The following CFAP20DC variants were observed in gnomAD, a reference collection of about 807,000 sequenced individuals.
CFAP20DC encodes protein CFAP20DC.
A neutral mutation model predicts 101.7 loss-of-function variants in CFAP20DC; 84 were observed. That is an observed-to-expected ratio of 0.83 (90% CI 0.69 to 0.99). CFAP20DC has a LOEUF of 0.99. Ranked by LOEUF, CFAP20DC falls within the 50% of genes least tolerant of loss-of-function variation. The pLI is 0.00. For missense variants in CFAP20DC, 1,007 were observed against 970.3 expected (o/e 1.04, Z -0.50); for synonymous variants, 359 against 351.2 (o/e 1.02, Z -0.25).
In CFAP20DC at chr3:58,862,657, G is replaced by A; in HGVS notation, c.1593+901C>T. On this transcript the variant is annotated intron_variant, in intron 12 of 16. Transcript: ENST00000482387. ...AATCTGTGCCTCACTGTCCAAAAAGGATTCTTAATCAGTTACGTTATAAAA... is the reference window on the plus strand; with the variant it reads ...AATCTGTGCCTCACTGTCCAAAAAGAATTCTTAATCAGTTACGTTATAAAA... 4.1e-6 allele frequency: 4 copies of A among 984,114 alleles called. 1 individual carries two copies. Among genetic ancestry groups the A allele is most frequent in the Middle Eastern group, 5.2e-4 (1 of 1,914 alleles). The allele number at this position is 984,114 out of a possible 1,614,324, so 61.0% of individuals were successfully genotyped here. A position where few individuals can be genotyped will look rare whatever the true frequency, so the allele number is the denominator to read the frequency against.
At position 58,980,289 on chromosome 3, in the gene CFAP20DC, G is replaced by A. The variant is rs575096754; in HGVS notation, c.279-42527C>T. 5.3e-5 allele frequency among the ~76,000 whole-genome samples: 8 copies of A among 152,228 alleles called. No homozygotes were observed. In the South Asian group the frequency reaches 1.0e-3, roughly 20 times the overall value. On this transcript the variant is annotated intron_variant, in intron 4 of 16. Transcript: ENST00000482387. Reference sequence around the variant, plus strand: ...ACTACCAGAGGTACAAGGAGGAGCTGGTACCATTCCTTCTGAAACTATTCC... The same window carrying A: ...ACTACCAGAGGTACAAGGAGGAGCTAGTACCATTCCTTCTGAAACTATTCC...
At chr3:58,730,495 T>C (rs374513890) in intron 3 of CFAP20DC, among the ~76,000 whole-genome samples, 1 of 151,376 alleles carries the variant, frequency 6.6e-6, no homozygotes, top group South Asian at 2.1e-4. Context: ...GGCCGGGGGG[T>C]GGAGGAGAAA....
Position 58,872,133 on chromosome 3 carries a change from A to G in CFAP20DC, c.716-1824T>C, listed in dbSNP as rs560025071. Among the ~76,000 whole-genome samples the G allele has an allele frequency of 1.7e-4, 26 of 152,300 alleles. No homozygotes were observed. In the South Asian group the frequency reaches 5.2e-3, roughly 30 times the overall value. Reference sequence around the variant, plus strand: ...TAGCCTTTAACTGAAAACACTGCCCATTACCTAGAAAGCCTTCTGCTGTGA... The same window carrying G: ...TAGCCTTTAACTGAAAACACTGCCCGTTACCTAGAAAGCCTTCTGCTGTGA... On this transcript the variant is annotated intron_variant, in intron 7 of 16. Transcript: ENST00000482387.
downstream of CFAP20DC, among the ~76,000 whole-genome samples, chr3:58,737,428 C>T (rs963737337): frequency 6.6e-6 from 1 of 152,066 alleles, no homozygotes; most frequent in Non-Finnish European, 1.5e-5. This position sits in a 1 kb window ranked among gnomAD's most constrained non-coding sequence, Gnocchi z 4.1. Flanking sequence ...AGTCAGGGCT[C>T]CCAGCTCTGG....
At chr3:58,871,647 GC>G (rs2080232445) in intron 7 of CFAP20DC, among the ~76,000 whole-genome samples, 1 of 151,534 alleles carries the variant, frequency 6.6e-6, no homozygotes, top group East Asian at 1.9e-4. Context: ...TCATGCCTCA[GC>G]CCCCTGAGTA....
intron 14 of CFAP20DC, among the ~76,000 whole-genome samples, chr3:58,809,409 C>T (rs1218685572): frequency 1.3e-5 from 2 of 152,022 alleles, no homozygotes; most frequent in Non-Finnish European, 2.9e-5. Flanking sequence ...CACTTAAAAC[C>T]GCTCAACTAC....
rs571132214 is a variant in CFAP20DC at position 58,877,632 on chromosome 3, G to T, written c.715+6913C>A. ...GCCAAGCACCCCAATGCCTCTTTGT[G>T]TGTGTGTGTGTTTTAAATTACATAT... On this transcript the variant is annotated intron_variant, in intron 7 of 16. Coordinates refer to ENST00000482387, the MANE Select transcript of CFAP20DC (RefSeq NM_001394063.1). Among the ~76,000 whole-genome samples the T allele has an allele frequency of 2.0e-5, 3 of 152,310 alleles. No homozygotes were observed. The South Asian group carries it at 6.2e-4, about 32-fold the overall frequency.
chr3:58,809,898 A>G (rs2074458923), intron 14 of CFAP20DC, among the ~76,000 whole-genome samples: 1 of 152,194 alleles, frequency 6.6e-6, no homozygotes, highest in Admixed American at 6.5e-5. Context: ...AGAAATACAA[A>G]CTACCATCAG....
chr3:58,894,783 G>A lies in CFAP20DC; in HGVS notation c.551-10074C>T. Among the ~76,000 whole-genome samples, 1 of 152,238 alleles carries A rather than the reference G, an allele frequency of 6.6e-6. No homozygotes were observed. The highest frequency in any genetic ancestry group is 1.5e-5 in the Non-Finnish European group (1 of 68,044). ...ACTGCCCTAGCTGAGGTTCTCATGAGGGCCCTGCCCCTGCAACAAACTTGT... is the reference window on the plus strand; with the variant it reads ...ACTGCCCTAGCTGAGGTTCTCATGAAGGCCCTGCCCCTGCAACAAACTTGT... On this transcript the variant is annotated intron_variant, in intron 6 of 16. Transcript: ENST00000482387. The surrounding 1 kb of genome is among the most constrained non-coding windows in gnomAD (Gnocchi z 4.1).
In CFAP20DC at chr3:58,868,384, G is replaced by A. The variant is rs764572060; in HGVS notation, c.1016-448C>T. ...AAGCTGAAGAAGAACTTCTAAGTACGATTTAATTTAGCAATAATAATAATC... is the reference window on the plus strand; with the variant it reads ...AAGCTGAAGAAGAACTTCTAAGTACAATTTAATTTAGCAATAATAATAATC... On this transcript the variant is annotated intron_variant, in intron 9 of 16. Coordinates refer to ENST00000482387, the MANE Select transcript of CFAP20DC (RefSeq NM_001394063.1). The surrounding 1 kb of genome is among the most constrained non-coding windows in gnomAD (Gnocchi z 4.6). Among the ~76,000 whole-genome samples the A allele has an allele frequency of 3.9e-5, 6 of 152,100 alleles. No individual in the cohort carries two copies. The highest frequency in any genetic ancestry group is 5.9e-5 in the Non-Finnish European group (4 of 67,974).
chr3:58,969,160 T>A, intron 4 of CFAP20DC, among the ~76,000 whole-genome samples: 1 of 152,198 alleles, frequency 6.6e-6, no homozygotes, highest in Non-Finnish European at 1.5e-5. Context: ...GCTTTGTTCT[T>A]CTTGCTTAGT....
chr3:58,969,300 C>T (rs2091798276), intron 4 of CFAP20DC, among the ~76,000 whole-genome samples: 1 of 152,124 alleles, frequency 6.6e-6, no homozygotes, highest in Non-Finnish European at 1.5e-5. Flanking sequence ...CCATTTCGCA[C>T]CCACTGGGAT....
intron 7 of CFAP20DC, among the ~76,000 whole-genome samples, chr3:58,883,294 ATC>A (rs2081360250): frequency 6.6e-6 from 1 of 152,172 alleles, no homozygotes. Context: ...CTGCAGAGAC[ATC>A]TTAGTTGTGC....
chr3:58,806,638 G>A (rs373475446), intron 14 of CFAP20DC, among the ~76,000 whole-genome samples, 182 bp from the exon 15 acceptor site: 2 of 152,170 alleles, frequency 1.3e-5, no homozygotes, highest in East Asian at 3.9e-4. Context: ...CAGCGTGAGC[G>A]ATGCAGAAGA....
At chr3:58,813,900 G>C (rs1575726884) in intron 14 of CFAP20DC, among the ~76,000 whole-genome samples, 1 of 151,914 alleles carries the variant, frequency 6.6e-6, no homozygotes, top group Admixed American at 6.6e-5. Flanking sequence ...TCTCACTAGA[G>C]AAATAAGACT....
At chr3:58,785,713 A>G (rs141102055) in intron 15 of CFAP20DC, among the ~76,000 whole-genome samples, 8 of 152,246 alleles carry the variant, frequency 5.3e-5, no homozygotes, top group Admixed American at 2.6e-4. Context: ...ATATGGAAGG[A>G]AACCAAAATA....
chr3:58,845,202 C>G (rs1488831147), intron 13 of CFAP20DC, among the ~76,000 whole-genome samples: 1 of 150,112 alleles, frequency 6.7e-6, no homozygotes, highest in Admixed American at 6.6e-5. Flanking sequence ...AAAAACCCTT[C>G]AAAAAATTAA....
intron 4 of CFAP20DC, among the ~76,000 whole-genome samples, chr3:58,988,374 C>A (rs989623206): frequency 4.6e-5 from 7 of 152,102 alleles, no homozygotes; most frequent in African/African-American, 1.7e-4. Flanking sequence ...TCCCAAATTT[C>A]GGAAACTTAA....
chr3:58,960,084 C>T (rs762280209), intron 4 of CFAP20DC, among the ~76,000 whole-genome samples: 2 of 152,230 alleles, frequency 1.3e-5, no homozygotes, highest in Non-Finnish European at 2.9e-5. Context: ...ATTCTCTTAT[C>T]GTTTTAATTT....
Sources: allele counts gnomAD v4.1 joint callset (sites outside exome capture counted in the v4.1 genomes callset), GRCh38; gene constraint gnomAD v4.1.1; non-coding constraint Gnocchi (gnomAD v3.1); transcripts MANE v1.5; gene names NCBI Gene and HGNC (gene_info 2026-07-23, HGNC 2026-07-21).